KPNA1: variants seen among roughly 807,000 people sequenced by gnomAD.
KPNA1 encodes karyopherin subunit alpha 1.
Under a neutral mutation model 70.5 loss-of-function variants are expected in KPNA1, and 10 were observed. The observed-to-expected ratio is 0.14, with a 90% CI of 0.09 to 0.24. KPNA1 has a LOEUF of 0.24. Ranked by LOEUF, KPNA1 falls within the 10% of genes least tolerant of loss-of-function variation. KPNA1 has a pLI of 1.00. For missense variants in KPNA1, 397 were observed against 637.9 expected (o/e 0.62, Z 4.07); for synonymous variants, 192 against 221.9 (o/e 0.87, Z 1.20).
chr3:122,467,664 T>C (rs376956286), intron 2 of KPNA1, among the ~76,000 whole-genome samples: 166 of 151,870 alleles, frequency 1.1e-3, no homozygotes, highest in African/African-American at 3.9e-3. Context: ...TAAAACTTAC[T>C]AAGAGAGGTC....
chr3:122,475,091 T>C (rs1209086585), intron 2 of KPNA1, among the ~76,000 whole-genome samples: 1 of 152,112 alleles, frequency 6.6e-6, no homozygotes, highest in Non-Finnish European at 1.5e-5. Flanking sequence ...AAGACATATC[T>C]TACATGGAAA....
intron 11 of KPNA1, among the ~76,000 whole-genome samples, chr3:122,435,383 C>G (rs1009420126): frequency 6.6e-6 from 1 of 152,064 alleles, no homozygotes; most frequent in Non-Finnish European, 1.5e-5. Flanking sequence ...CCCACCAATA[C>G]AAAGACAAAA....
intron 2 of KPNA1, among the ~76,000 whole-genome samples, chr3:122,475,068 T>C (rs538014616): frequency 1.3e-5 from 2 of 152,270 alleles, no homozygotes; most frequent in South Asian, 2.1e-4. Context: ...AATGAAATTG[T>C]CCCTGATTGC....
rs182140331 is a variant in KPNA1 at position 122,446,765 on chromosome 3, T to C, written c.917+2809A>G. On this transcript the variant is annotated intron_variant, in intron 9 of 13. Coordinates refer to ENST00000344337, the MANE Select transcript of KPNA1 (RefSeq NM_002264.4). Reference sequence around the variant, plus strand: ...GTTTTGAAAAGATCAACAAAATTGATAGACCGCTAGCAAGACTAATAAAGA... The same window carrying C: ...GTTTTGAAAAGATCAACAAAATTGACAGACCGCTAGCAAGACTAATAAAGA... Among the ~76,000 whole-genome samples, 403 of 152,168 alleles carry C rather than the reference T, an allele frequency of 2.6e-3. 1 individual carries two copies. Among genetic ancestry groups the C allele is most frequent in the Non-Finnish European group, 3.9e-3 (266 of 68,012 alleles).
chr3:122,446,415 A>G (rs1199962327), intron 9 of KPNA1, among the ~76,000 whole-genome samples: 2 of 152,252 alleles, frequency 1.3e-5, no homozygotes, highest in African/African-American at 4.8e-5. Context: ...CCTGATCCTG[A>G]ATGACTACTG....
chr3:122,433,938 CTTTTT>C (rs1043325100), intron 11 of KPNA1, 150 bp from the exon 12 acceptor site: 8 of 634,070 alleles, frequency 1.3e-5, no homozygotes, highest in African/African-American at 1.9e-5. Context: ...TATCTCTAAC[CTTTTT>C]TTTTCTTTTT....
chr3:122,487,842 G>A lies in KPNA1; in HGVS notation c.129+8595C>T, dbSNP rs542836274. Among the ~76,000 whole-genome samples, 26 of 152,288 alleles carry A rather than the reference G, an allele frequency of 1.7e-4. No individual in the cohort carries two copies. The South Asian group carries it at 2.7e-3, about 16-fold the overall frequency. On this transcript the variant is annotated intron_variant, in intron 2 of 13. Transcript: ENST00000344337. ...TTCTAGATATATGTTATATAACAAT[G>A]TGAATATTGTTAACACTACTGAACT... is the stretch of plus-strand genomic sequence containing the variant.
chr3:122,510,781 G>A (rs1213219294), intron 1 of KPNA1, among the ~76,000 whole-genome samples: 3 of 152,230 alleles, frequency 2.0e-5, no homozygotes, highest in Middle Eastern at 3.4e-3. Flanking sequence ...GAAAGAAAAT[G>A]GTAGCTTTTC....
At chr3:122,496,219 A>G (rs1179536121) in intron 2 of KPNA1, among the ~76,000 whole-genome samples, 1 of 152,078 alleles carries the variant, frequency 6.6e-6, no homozygotes, top group African/African-American at 2.4e-5. Context: ...ATGCTGAGAA[A>G]ATGAGAACCT....
intron 9 of KPNA1, among the ~76,000 whole-genome samples, chr3:122,447,786 C>G (rs535737632): frequency 8.3e-4 from 126 of 152,154 alleles, no homozygotes; most frequent in Non-Finnish European, 1.5e-3. Context: ...ATCGTCTCAG[C>G]CCCAAATCTC....
At chr3:122,509,552 A>G (rs770411532) in intron 1 of KPNA1, among the ~76,000 whole-genome samples, 5 of 152,234 alleles carry the variant, frequency 3.3e-5, no homozygotes, top group Non-Finnish European at 7.3e-5. Flanking sequence ...CATACTTACA[A>G]CAAAACAGAA....
At chr3:122,427,496 A>C (rs2075838115) in intron 13 of KPNA1, 42 bp downstream of exon 13, 4 of 1,541,104 alleles carry the variant, frequency 2.6e-6, no homozygotes, top group African/African-American at 1.4e-5. Flanking sequence ...CTATGACCCA[A>C]TTCATTCTTG....
chr3:122,433,921 A>G (rs2075949793), intron 11 of KPNA1, 133 bp from the exon 12 acceptor site: 1 of 715,356 alleles, frequency 1.4e-6, no homozygotes, highest in South Asian at 2.2e-5. Flanking sequence ...GAAAAGAGTT[A>G]TGTCATTATC....
intron 11 of KPNA1, among the ~76,000 whole-genome samples, chr3:122,435,400 A>G (rs1388993537): frequency 6.6e-6 from 1 of 152,150 alleles, no homozygotes; most frequent in Non-Finnish European, 1.5e-5. Flanking sequence ...AAAAGTAAAA[A>G]CCAAGTAACT....
rs2075838602 is a variant in KPNA1 at position 122,427,527 on chromosome 3, A to C, written c.1429+11T>G. On this transcript the variant is annotated intron_variant, in intron 13 of 13. Transcript: ENST00000344337. ...TCTTGGCCATAAACTTCTTCAACCAAAGCATCTTACCATAAGCTTCTTCAA... is the reference window on the plus strand; with the variant it reads ...TCTTGGCCATAAACTTCTTCAACCACAGCATCTTACCATAAGCTTCTTCAA... 6.2e-7 allele frequency: 1 copy of C among 1,606,590 alleles called. No homozygotes were observed. The highest frequency in any genetic ancestry group is 2.2e-5 in the East Asian group (1 of 44,774).
intron 2 of KPNA1, among the ~76,000 whole-genome samples, chr3:122,474,975 T>G (rs776292108): frequency 9.9e-5 from 15 of 152,136 alleles, no homozygotes; most frequent in Non-Finnish European, 1.8e-4. Flanking sequence ...CTTGCCATCT[T>G]CACTCAATAT....
At chr3:122,461,150 A>C in intron 5 of KPNA1, 74 bp downstream of exon 5, 1 of 894,450 alleles carries the variant, frequency 1.1e-6, no homozygotes, top group Non-Finnish European at 1.8e-6. Context: ...AAAAATTAGT[A>C]ACAAATTTGT....
intron 8 of KPNA1, 85 bp downstream of exon 8, chr3:122,451,449 T>A (rs561978387): frequency 8.3e-5 from 57 of 685,224 alleles, no homozygotes; most frequent in Non-Finnish European, 1.3e-4. Flanking sequence ...TTAACAAAAA[T>A]TATCTTCCTG....
intron 1 of KPNA1, among the ~76,000 whole-genome samples, chr3:122,513,317 G>A (rs2107516003): frequency 6.6e-6 from 1 of 152,260 alleles, no homozygotes; most frequent in South Asian, 2.1e-4. Context: ...CTCAATAAAT[G>A]TTAATTCCTT....
Sources: gnomAD v4.1 joint callset for allele counts (sites outside exome capture counted in the v4.1 genomes callset) on GRCh38, gnomAD v4.1.1 for gene constraint, MANE v1.5 for transcripts, NCBI Gene and HGNC (gene_info 2026-07-23, HGNC 2026-07-21) for gene names.